NUB1: variants seen among roughly 807,000 people sequenced by gnomAD.
The protein encoded by NUB1 is NEDD8 ultimate buster 1.
Under a neutral mutation model 77.1 loss-of-function variants are expected in NUB1, and 41 were observed. That is an observed-to-expected ratio of 0.53 (90% confidence interval 0.41 to 0.69). The LOEUF is 0.69. Ranked by LOEUF, NUB1 falls within the 30% of genes least tolerant of loss-of-function variation. The pLI is 0.00. For synonymous variants in NUB1, 257 were observed against 281.0 expected, an observed-to-expected ratio of 0.91 and a Z score of 0.85; for missense variants, 643 against 743.8, an observed-to-expected ratio of 0.86 and a Z score of 1.58.
rs2150731127 is a variant in NUB1 at position 151,377,718 on chromosome 7, TC to T, written c.*494del. On this transcript the variant is annotated 3_prime_UTR_variant, in exon 15 of 15. Transcript: ENST00000568733. ...TGCCACCCTTTCCCCGCCCCTCAAA[TC>T]GTCCTTTAAGTCTTCCTTCCAAGTG... 6.6e-6 allele frequency: 1 copy of T among 152,572 alleles called. No individual in the cohort carries two copies. Among genetic ancestry groups the T allele is most frequent in the East Asian group, 1.9e-4 (1 of 5,188 alleles). 9.5% of individuals were successfully genotyped at this position (152,572 alleles called of 1,614,324 possible).
chr7:151,369,702 C>T (rs1364017380), intron 11 of NUB1, among the ~76,000 whole-genome samples: 1 of 152,166 alleles, frequency 6.6e-6, no homozygotes, highest in African/African-American at 2.4e-5. Context: ...AGCAGGAGAG[C>T]CATTTTTCTT....
intron 5 of NUB1, among the ~76,000 whole-genome samples, chr7:151,353,555 T>C (rs1483228236): frequency 6.6e-6 from 1 of 152,172 alleles, no homozygotes; most frequent in Non-Finnish European, 1.5e-5. Context: ...AGCGCAGCTG[T>C]TGGGAAACGA....
rs756209898 is a variant in NUB1, at chr7:151,368,881, C to CA, written c.1243dup (p.Arg415LysfsTer48). 6.2e-7 allele frequency: 1 copy of CA among 1,612,284 alleles called. No individual in the cohort carries two copies. Among genetic ancestry groups the CA allele is most frequent in the Non-Finnish European group, 8.5e-7 (1 of 1,179,184 alleles). ...ATGCGGCCACTCATATTACCAACCG[C>CA]AGAGAGGTACCCACTTTCACATGCC... On this transcript the variant is annotated frameshift_variant, in exon 11 of 15. Coordinates refer to ENST00000568733, the MANE Select transcript of NUB1 (RefSeq NM_001243351.2). LOFTEE classifies it high-confidence loss of function.
chr7:151,368,263 G>A (rs1048049344), intron 10 of NUB1, among the ~76,000 whole-genome samples: 1 of 152,166 alleles, frequency 6.6e-6, no homozygotes, highest in African/African-American at 2.4e-5. Context: ...TCAGCGAGGC[G>A]TCCTAGGTTG....
chr7:151,377,095 A>G lies in NUB1; in HGVS notation c.1718A>G (p.Asn573Ser), dbSNP rs1453781693. ...GAAGACATGGAGACAGAGGCCGTCA[A>G]TGAGATACTGGAAGACATTCCAGAG... ...TDEDMETEAV[N>S]EILEDIPEHE... The change falls in exon 15 of 15, where the codon AAT becomes AGT. Residue 573 changes from asparagine (N) to serine (S), a missense_variant. Asn to Ser is a conservative substitution (Grantham distance 46). Coordinates refer to ENST00000568733, the MANE Select transcript of NUB1 (RefSeq NM_001243351.2). 7.6e-6 allele frequency: 12 copies of G among 1,581,260 alleles called. No individual in the cohort carries two copies. The highest frequency in any genetic ancestry group is 6.8e-5 in the East Asian group (3 of 43,884).
Position 151,377,331 on chromosome 7 carries a change from C to T in NUB1, c.*106C>T. On this transcript the variant is annotated 3_prime_UTR_variant, in exon 15 of 15. Transcript: ENST00000568733. ...ACTTTTTATCTGAATTACAAGTCCT[C>T]TTTGGGTGTAGGAGGGGGTGGGCAG... 1.6e-5 allele frequency: 10 copies of T among 636,878 alleles called. No individual in the cohort carries two copies. Among genetic ancestry groups the T allele is most frequent in the South Asian group, 2.3e-5 (1 of 43,934 alleles). 39.5% of individuals were successfully genotyped at this position (636,878 alleles called of 1,614,324 possible). A position where few individuals can be genotyped will look rare whatever the true frequency, so the allele number is the denominator to read the frequency against.
intron 4 of NUB1, chr7:151,352,301 T>TA (rs1297141847): frequency 5.5e-6 from 2 of 365,614 alleles, no homozygotes; most frequent in East Asian, 1.5e-4. Context: ...ACGGAAAGTT[T>TA]AAAAAGGACC....
intron 8 of NUB1, among the ~76,000 whole-genome samples, chr7:151,364,800 G>A (rs1378636562): frequency 6.6e-6 from 1 of 152,128 alleles, no homozygotes; most frequent in African/African-American, 2.4e-5. Context: ...ACAAGCGTGA[G>A]CCACTGTGCC....
intron 11 of NUB1, among the ~76,000 whole-genome samples, chr7:151,371,227 C>T (rs1016491627): frequency 6.6e-6 from 1 of 152,188 alleles, no homozygotes; most frequent in African/African-American, 2.4e-5. Context: ...GCCTAAACAT[C>T]AAAACAAGGG....
intron 7 of NUB1, among the ~76,000 whole-genome samples, chr7:151,359,436 C>T (rs1797259028): frequency 7.1e-6 from 1 of 141,354 alleles, no homozygotes; most frequent in Non-Finnish European, 1.5e-5. Context: ...GAGCGAGACT[C>T]TGTCTCAAAA....
At position 151,365,430 on chromosome 7, in the gene NUB1, T is replaced by TG. The variant is rs1487982000; in HGVS notation, c.801-1508dup. 2.6e-5 allele frequency among the ~76,000 whole-genome samples: 4 copies of TG among 152,316 alleles called. No homozygotes were observed. The East Asian group carries it at 7.7e-4, about 29-fold the overall frequency. On this transcript the variant is annotated intron_variant, in intron 8 of 14. Transcript: ENST00000568733. Reference sequence around the variant, plus strand: ...ATGAGGCCATTTCTGCCCACGCTCTTGATGCTTAGTAAAACATGAACGAGC... The same window carrying TG: ...ATGAGGCCATTTCTGCCCACGCTCTTGGATGCTTAGTAAAACATGAACGAGC...
intron 3 of NUB1, 85 bp downstream of exon 3, chr7:151,349,325 A>G: frequency 8.7e-7 from 1 of 1,149,004 alleles, no homozygotes; most frequent in East Asian, 2.4e-5. Context: ...GGAAAGTTAC[A>G]ATCCAAAGTC....
intron 5 of NUB1, among the ~76,000 whole-genome samples, chr7:151,354,842 A>G (rs1018800196): frequency 6.6e-6 from 1 of 152,188 alleles, no homozygotes; most frequent in Non-Finnish European, 1.5e-5. Context: ...TCCCAGGTGC[A>G]AGCAATCCTC....
chr7:151,368,111 A>C (rs1454807666), intron 10 of NUB1, 143 bp downstream of exon 10: 5 of 600,310 alleles, frequency 8.3e-6, no homozygotes, highest in Non-Finnish European at 5.9e-6. Flanking sequence ...AACCAGAAAC[A>C]TATTTGTATA....
intron 11 of NUB1, 94 bp downstream of exon 11, chr7:151,368,981 C>A: frequency 1.6e-6 from 2 of 1,278,678 alleles, no homozygotes; most frequent in Non-Finnish European, 2.1e-6. Flanking sequence ...CTCTTTATTA[C>A]TCCAGATTGG....
chr7:151,374,486 A>G, intron 12 of NUB1: 1 of 597,656 alleles, frequency 1.7e-6, no homozygotes, highest in Non-Finnish European at 3.0e-6. Flanking sequence ...CCACACCAGC[A>G]CAGTCCACAG....
At chr7:151,344,208 A>G (rs1395158420) in intron 1 of NUB1, among the ~76,000 whole-genome samples, 1 of 137,390 alleles carries the variant, frequency 7.3e-6, no homozygotes, top group Non-Finnish European at 1.6e-5. Flanking sequence ...AAAAAAAAAA[A>G]AAAAAGTAGA....
intron 2 of NUB1, among the ~76,000 whole-genome samples, chr7:151,346,684 T>C (rs546451772): frequency 6.6e-6 from 1 of 152,206 alleles, no homozygotes; most frequent in Non-Finnish European, 1.5e-5. Context: ...CCCAACTCCA[T>C]GGGACAGAGG....
At chr7:151,369,353 T>C (rs1042010394) in intron 11 of NUB1, among the ~76,000 whole-genome samples, 2 of 152,170 alleles carry the variant, frequency 1.3e-5, no homozygotes, top group Non-Finnish European at 2.9e-5. Context: ...TGCTGCAGTC[T>C]CCTTAGTTTT....
Sources: gnomAD v4.1 joint callset for allele counts (sites outside exome capture counted in the v4.1 genomes callset) on GRCh38, gnomAD v4.1.1 for gene constraint, MANE v1.5 for transcripts, NCBI Gene and HGNC (gene_info 2026-07-23, HGNC 2026-07-21) for gene names.